Variants in NXNL1 observed in about 807,000 individuals in gnomAD.
NXNL1 encodes the protein nucleoredoxin-like protein 1.
A neutral mutation model predicts 7.2 loss-of-function variants in NXNL1; 6 were observed. That is an observed-to-expected ratio of 0.83 (90% CI 0.46 to 1.64). The LOEUF is 1.64. Among genes scored for constraint, NXNL1 ranks in the 40% most tolerant of loss-of-function variants. The pLI is 0.01. For synonymous variants in NXNL1, 133 were observed against 127.2 expected (o/e 1.05, Z -0.31); for missense variants, 308 against 285.1 (o/e 1.08, Z -0.58).
rs949110067 is a variant in NXNL1, at chr19:17,455,463, G to C, written c.*184C>G. On this transcript the variant is annotated 3_prime_UTR_variant, in exon 2 of 2. Coordinates refer to ENST00000301944, the MANE Select transcript of NXNL1 (RefSeq NM_138454.2). ...AGCCACAGGTGCGCGCCACCACACC[G>C]GGCTAACTTTTAATTTTCGTAGAGT... The C allele has an allele frequency of 1.7e-6, 1 of 586,220 alleles. No homozygotes were observed. The highest frequency in any genetic ancestry group is 3.0e-6 in the Non-Finnish European group (1 of 330,642). 36.3% of individuals were successfully genotyped at this position (586,220 alleles called of 1,614,324 possible).
rs560791285 is a variant in NXNL1, at chr19:17,455,452, G to A, written c.*195C>T. ...CAGGGTAGCTAAGCCACAGGTGCGC[G>A]CCACCACACCGGGCTAACTTTTAAT... On this transcript the variant is annotated 3_prime_UTR_variant, in exon 2 of 2. Transcript: ENST00000301944. The A allele has an allele frequency of 6.6e-5, 38 of 578,740 alleles. 1 individual carries two copies. The East Asian group carries it at 9.8e-4, about 15-fold the overall frequency. 35.9% of individuals were successfully genotyped at this position (578,740 alleles called of 1,614,324 possible).
chr19:17,456,384 G>T lies in NXNL1; in HGVS notation c.327-425C>A, dbSNP rs149353248. On this transcript the variant is annotated intron_variant, in intron 1 of 1. Coordinates refer to ENST00000301944, the MANE Select transcript of NXNL1 (RefSeq NM_138454.2). ...CGCTCCTGTAGTCCCAGGTACTCAG[G>T]AGGCCGAGGTACCTGGGACTTCCCT... Among the ~76,000 whole-genome samples the T allele has an allele frequency of 2.2e-3, 327 of 151,822 alleles. 3 individuals carry two copies. The highest frequency in any genetic ancestry group is 7.6e-3 in the African/African-American group (313 of 41,392).
At chr19:17,458,688 G>A (rs1256782762) in intron 1 of NXNL1, among the ~76,000 whole-genome samples, 4 of 133,862 alleles carry the variant, frequency 3.0e-5, no homozygotes, top group Non-Finnish European at 6.2e-5. Flanking sequence ...TGCACCCTCC[G>A]CCTCCCGGGT....
Position 17,455,903 on chromosome 19 carries a change from G to A in NXNL1, c.383C>T (p.Pro128Leu). The change falls in exon 2 of 2, where the codon CCG becomes CTG. Residue 128 changes from proline to leucine, a missense_variant. Pro to Leu is a moderately conservative substitution (Grantham distance 98). Transcript: ENST00000301944. ...GTCGCGAGTGAGCACGTCCCCGTCCGGCTTGAGCACCACGACCGCCGGCAG... is the reference window on the plus strand; with the variant it reads ...GTCGCGAGTGAGCACGTCCCCGTCCAGCTTGAGCACCACGACCGCCGGCAG... Reference protein sequence around the residue: ...ERLPAVVVLKPDGDVLTRDGA... With the variant: ...ERLPAVVVLKLDGDVLTRDGA... 1 of 1,595,144 alleles carries A rather than the reference G, an allele frequency of 6.3e-7. No individual in the cohort carries two copies. The highest frequency in any genetic ancestry group is 1.1e-5 in the South Asian group (1 of 90,586).
At chr19:17,460,471 C>G in intron 1 of NXNL1, 73 bp downstream of exon 1, 1 of 1,503,598 alleles carries the variant, frequency 6.7e-7, no homozygotes, top group Non-Finnish European at 9.0e-7. Context: ...CTCATTCACT[C>G]TAGTTAGAAT....
intron 1 of NXNL1, among the ~76,000 whole-genome samples, chr19:17,457,417 G>C (rs765131393): frequency 6.6e-6 from 1 of 151,890 alleles, no homozygotes; most frequent in Non-Finnish European, 1.5e-5. Flanking sequence ...TGTCACCCAG[G>C]CTAGAGTGCA....
Position 17,457,395 on chromosome 19 carries a change from A to G in NXNL1, c.327-1436T>C, listed in dbSNP as rs375206989. Among the ~76,000 whole-genome samples, 55 of 152,128 alleles carry G rather than the reference A, an allele frequency of 3.6e-4. 1 individual carries two copies. The South Asian group carries it at 0.011, about 32-fold the overall frequency. On this transcript the variant is annotated intron_variant, in intron 1 of 1. Coordinates refer to ENST00000301944, the MANE Select transcript of NXNL1 (RefSeq NM_138454.2). ...TTTTCTTTTTCTTTTTTTTAGAGAC[A>G]GAGCCTCCATCTGTCACCCAGGCTA... is the stretch of plus-strand genomic sequence containing the variant.
In NXNL1 at chr19:17,460,695, C is replaced by T. The variant is rs755277336; in HGVS notation, c.175G>A (p.Val59Met). 1.2e-5 allele frequency: 20 copies of T among 1,613,684 alleles called. No individual in the cohort carries two copies. The highest frequency in any genetic ancestry group is 1.0e-4 in the Admixed American group (6 of 59,984). Residue 59 changes from valine (V) to methionine (M), a missense_variant, in exon 1 of 2, where the codon GTG (valine) becomes ATG (methionine). Physicochemically the swap from Val to Met is conservative, Grantham distance 21. Coordinates refer to ENST00000301944, the MANE Select transcript of NXNL1 (RefSeq NM_138454.2). ...ACATAGAACTCATCTGTGAGCCGCA[C>T]GAAGAAGTCCTTGAGGATGGGCACG... ...AFVPILKDFF[V>M]RLTDEFYVLR...
In NXNL1 at chr19:17,455,691, C is replaced by CCCCCCCCGG; in HGVS notation, c.594_595insCCGGGGGGG (p.Pro198_Gly199insProGlyGly). 3 of 1,513,746 alleles carry CCCCCCCCGG rather than the reference C, an allele frequency of 2.0e-6. No homozygotes were observed. The highest frequency in any genetic ancestry group is 2.7e-6 in the Non-Finnish European group (3 of 1,130,324). 93.8% of individuals were successfully genotyped at this position (1,513,746 alleles called of 1,614,324 possible). ...CCGCCCTCCTCCCCACCCCCTCCCC[C>CCCCCCCCGG]GGGGTCGCGCCCGCCTCGCGCCGCC... is the stretch of plus-strand genomic sequence containing the variant. On this transcript the variant is annotated inframe_insertion, in exon 2 of 2. Coordinates refer to ENST00000301944, the MANE Select transcript of NXNL1 (RefSeq NM_138454.2).
chr19:17,458,220 C>CTT (rs756873224), intron 1 of NXNL1, among the ~76,000 whole-genome samples: 1,813 of 122,140 alleles, frequency 0.015, 50 homozygotes, highest in African/African-American at 0.03. Flanking sequence ...TTCTTTCTTT[C>CTT]TTTTTTTTTT....
At chr19:17,457,642 G>C (rs1470131921) in intron 1 of NXNL1, among the ~76,000 whole-genome samples, 1 of 152,102 alleles carries the variant, frequency 6.6e-6, no homozygotes, top group African/African-American at 2.4e-5. Flanking sequence ...CAAAGCACTG[G>C]GATTACAGGC....
chr19:17,460,730 C>T lies in NXNL1; in HGVS notation c.140G>A (p.Cys47Tyr). The change falls in exon 1 of 2, where the codon TGC (cysteine) becomes TAC (tyrosine). Residue 47 changes from cysteine to tyrosine, a missense_variant. Cys to Tyr is a radical substitution (Grantham distance 194). Transcript: ENST00000301944. The stretch of plus-strand genomic sequence containing the variant: ...CTTGAGGATGGGCACGAAGGCCTGG[C>T]ACTGTGGACAAGCCCCAGCACCAAA... The part of the protein sequence containing the change: ...LFFGAGACPQ[C>Y]QAFVPILKDF... 6.2e-7 allele frequency: 1 copy of T among 1,613,778 alleles called. No homozygotes were observed.
intron 1 of NXNL1, among the ~76,000 whole-genome samples, chr19:17,458,513 G>A (rs1198712314): frequency 1.3e-5 from 2 of 149,766 alleles, no homozygotes; most frequent in African/African-American, 2.4e-5. Flanking sequence ...CAGCCTGAAC[G>A]TTTTTTTCAT....
rs951222977 is a variant in NXNL1, at chr19:17,455,439, G to A, written c.*208C>T. Reference sequence around the variant, plus strand: ...CCACCTCAGCCTTCAGGGTAGCTAAGCCACAGGTGCGCGCCACCACACCGG... The same window carrying A: ...CCACCTCAGCCTTCAGGGTAGCTAAACCACAGGTGCGCGCCACCACACCGG... On this transcript the variant is annotated 3_prime_UTR_variant, in exon 2 of 2. Transcript: ENST00000301944. 2.8e-5 allele frequency: 16 copies of A among 575,458 alleles called. No individual in the cohort carries two copies. The African/African-American group carries it at 2.9e-4, about 10-fold the overall frequency. 35.6% of individuals were successfully genotyped at this position (575,458 alleles called of 1,614,324 possible).
intron 1 of NXNL1, among the ~76,000 whole-genome samples, chr19:17,460,289 G>A (rs959012798): frequency 6.6e-6 from 1 of 152,138 alleles, no homozygotes; most frequent in East Asian, 1.9e-4. Context: ...GGGATTACAG[G>A]GTTAAGCCAC....
In NXNL1 at chr19:17,455,873, G is replaced by A. The variant is rs998254971; in HGVS notation, c.413C>T (p.Ala138Val). Residue 138 changes from alanine to valine, a missense_variant, in exon 2 of 2, where the codon GCC (alanine) becomes GTC (valine). By Grantham distance (64) the Ala-to-Val change is moderately conservative. Transcript: ENST00000301944. The stretch of plus-strand genomic sequence containing the variant: ...GGTGCCCAGGCGCTGGATCTCGTCG[G>A]CGCCGTCGCGAGTGAGCACGTCCCC... ...PDGDVLTRDG[A>V]DEIQRLGTAC... is the part of the protein sequence containing the mutation. 1 of 1,590,062 alleles carries A rather than the reference G, an allele frequency of 6.3e-7. No homozygotes were observed. Among genetic ancestry groups the A allele is most frequent in the African/African-American group, 1.3e-5 (1 of 74,866 alleles).
chr19:17,460,812 G>A lies in NXNL1; in HGVS notation c.58C>T (p.Leu20=), dbSNP rs1445148564. ...LIRNNSDQDE[L]DTEAEVSRRL... ...CGACTGACCTCAGCCTCCGTATCCAGCTCGTCCTGGTCGCTATTGTTGCGG... is the reference window on the plus strand; with the variant it reads ...CGACTGACCTCAGCCTCCGTATCCAACTCGTCCTGGTCGCTATTGTTGCGG... Residue 20 remains leucine (L), a synonymous_variant, in exon 1 of 2, where the codon CTG becomes TTG. Coordinates refer to ENST00000301944, the MANE Select transcript of NXNL1 (RefSeq NM_138454.2). The A allele has an allele frequency of 6.2e-7, 1 of 1,613,856 alleles. No homozygotes were observed. Among genetic ancestry groups the A allele is most frequent in the East Asian group, 2.2e-5 (1 of 44,890 alleles).
At chr19:17,458,592 T>C (rs1489627394) in intron 1 of NXNL1, among the ~76,000 whole-genome samples, 2 of 135,216 alleles carry the variant, frequency 1.5e-5, no homozygotes, top group Non-Finnish European at 3.1e-5. Flanking sequence ...AAAGGATCTT[T>C]TTAATTTTTT....
chr19:17,460,277 C>T (rs1003391511), intron 1 of NXNL1, among the ~76,000 whole-genome samples: 3 of 152,172 alleles, frequency 2.0e-5, no homozygotes, highest in African/African-American at 7.2e-5. Context: ...TGCCAAAGTC[C>T]TGGGATTACA....
Sources: gnomAD v4.1 joint callset for allele counts (sites outside exome capture counted in the v4.1 genomes callset) on GRCh38, gnomAD v4.1.1 for gene constraint, MANE v1.5 for transcripts, NCBI Gene and HGNC (gene_info 2026-07-23, HGNC 2026-07-21) for gene names.